Variants in RASAL2 observed in about 807,000 individuals in gnomAD.
The protein encoded by RASAL2 is ras GTPase-activating protein nGAP.
Under a neutral mutation model 128.9 loss-of-function variants are expected in RASAL2, and 58 were observed. That is an observed-to-expected ratio of 0.45 (90% CI 0.36 to 0.56). The LOEUF is 0.56. RASAL2 is among the 20% of genes least tolerant of loss of function. The probability of loss-of-function intolerance (pLI) is 0.00; values close to 1 mark genes in which losing one functional copy is unlikely to be tolerated. For synonymous variants in RASAL2, 561 were observed against 580.8 expected, an observed-to-expected ratio of 0.97 and a Z score of 0.49; for missense variants, 1,360 against 1,601.6, an observed-to-expected ratio of 0.85 and a Z score of 2.57.
At chr1:178,229,168 A>G (rs1272414301) in intron 1 of RASAL2, among the ~76,000 whole-genome samples, 1 of 152,160 alleles carries the variant, frequency 6.6e-6, no homozygotes, top group African/African-American at 2.4e-5. Context: ...CTCTATCCCT[A>G]AATCCTTCTG....
chr1:178,128,025 G>C (rs2102293583), intron 1 of RASAL2, among the ~76,000 whole-genome samples: 1 of 152,140 alleles, frequency 6.6e-6, no homozygotes, highest in Middle Eastern at 3.4e-3. Context: ...ATTTGATTTT[G>C]TGGAACAAAA....
At chr1:178,221,540 GCTTTAT>G (rs1188207126) in intron 1 of RASAL2, among the ~76,000 whole-genome samples, 2 of 152,036 alleles carry the variant, frequency 1.3e-5, no homozygotes, top group African/African-American at 4.8e-5. Flanking sequence ...AAAGTGTGTT[GCTTTAT>G]CTTTATGTGT....
chr1:178,309,680 C>T (rs1668145911), intron 3 of RASAL2, among the ~76,000 whole-genome samples: 1 of 152,074 alleles, frequency 6.6e-6, no homozygotes, highest in Non-Finnish European at 1.5e-5. Flanking sequence ...AATCACTACA[C>T]TATGCAAGTG....
At chr1:178,209,217 C>T (rs1216570726) in intron 1 of RASAL2, among the ~76,000 whole-genome samples, 2 of 152,036 alleles carry the variant, frequency 1.3e-5, no homozygotes, top group African/African-American at 4.8e-5. Flanking sequence ...TATCTTTTGT[C>T]TCCGTTGGTT....
chr1:178,107,992 G>A (rs982938450), intron 1 of RASAL2, among the ~76,000 whole-genome samples: 2 of 152,224 alleles, frequency 1.3e-5, no homozygotes, highest in East Asian at 3.9e-4. Context: ...TGGGTGTATG[G>A]TTGTTCTATG....
chr1:178,164,823 T>TTGTGTGTGTG (rs200932615), intron 1 of RASAL2, among the ~76,000 whole-genome samples: 26 of 131,998 alleles, frequency 2.0e-4, no homozygotes, highest in South Asian at 1.0e-3. Flanking sequence ...CATCAAACGT[T>TTGTGTGTGTG]TGTGTGTGTG....
intron 1 of RASAL2, among the ~76,000 whole-genome samples, chr1:178,197,997 G>C (rs1662731480): frequency 6.6e-6 from 1 of 152,170 alleles, no homozygotes; most frequent in African/African-American, 2.4e-5. Flanking sequence ...ATGGTTTCCA[G>C]CTTCATCCAT....
chr1:178,225,078 T>G (rs1397380754), intron 1 of RASAL2, among the ~76,000 whole-genome samples: 1 of 152,070 alleles, frequency 6.6e-6, no homozygotes, highest in Non-Finnish European at 1.5e-5. Flanking sequence ...GCTGTTAACT[T>G]CTAAGGGACA....
chr1:178,337,162 A>G (rs1399026005), intron 3 of RASAL2, among the ~76,000 whole-genome samples: 1 of 152,174 alleles, frequency 6.6e-6, no homozygotes, highest in Non-Finnish European at 1.5e-5. Context: ...AGTTCTAAAA[A>G]TATTTTGTGA....
intron 1 of RASAL2, among the ~76,000 whole-genome samples, chr1:178,246,806 C>G (rs887888311): frequency 6.6e-6 from 1 of 151,742 alleles, no homozygotes; most frequent in African/African-American, 2.4e-5. Flanking sequence ...AAAGCTTTTT[C>G]TGCATCTATT....
At chr1:178,270,372 C>T (rs1313615830) in intron 1 of RASAL2, among the ~76,000 whole-genome samples, 2 of 151,714 alleles carry the variant, frequency 1.3e-5, no homozygotes, top group Non-Finnish European at 2.9e-5. Flanking sequence ...TCTTTTCCAT[C>T]TTTTTGTCTT....
intron 2 of RASAL2, among the ~76,000 whole-genome samples, chr1:178,295,617 C>T (rs964974508): frequency 6.6e-6 from 1 of 152,124 alleles, no homozygotes; most frequent in Non-Finnish European, 1.5e-5. Context: ...TAGTGAGCAT[C>T]AGAATCAGTC....
Position 178,445,498 on chromosome 1 carries a change from A to T in RASAL2, c.1483-20A>T. The T allele has an allele frequency of 6.2e-7, 1 of 1,610,182 alleles. No homozygotes were observed. Among genetic ancestry groups the T allele is most frequent in the Non-Finnish European group, 8.5e-7 (1 of 1,178,134 alleles). On this transcript the variant is annotated intron_variant, in intron 8 of 17. Transcript: ENST00000367649. The stretch of plus-strand genomic sequence containing the variant: ...TATTTATTCAGTTGCTTTCTGCCTG[A>T]TTGAACATTATTCTACCAGGATTTT...
chr1:178,117,476 A>G (rs1659558561), intron 1 of RASAL2, among the ~76,000 whole-genome samples: 1 of 152,234 alleles, frequency 6.6e-6, no homozygotes, highest in Non-Finnish European at 1.5e-5. Context: ...TAAATAAAGC[A>G]CAATTAGGAT....
At chr1:178,455,360 G>A (rs1347345488) in intron 12 of RASAL2, among the ~76,000 whole-genome samples, 9 of 152,116 alleles carry the variant, frequency 5.9e-5, no homozygotes, top group African/African-American at 1.7e-4. Flanking sequence ...GTTTGCTACA[G>A]GCACTTTATA....
chr1:178,181,752 A>C (rs1662117720), intron 1 of RASAL2, among the ~76,000 whole-genome samples: 1 of 151,656 alleles, frequency 6.6e-6, no homozygotes, highest in Non-Finnish European at 1.5e-5. Flanking sequence ...AAGGTTTTGT[A>C]AAAGTACCTC....
intron 3 of RASAL2, among the ~76,000 whole-genome samples, chr1:178,324,483 T>C (rs1403332584): frequency 6.6e-6 from 1 of 152,098 alleles, no homozygotes; most frequent in Admixed American, 6.5e-5. Context: ...ATCTTGTGAC[T>C]TTGCCCATTT....
At chr1:178,362,557 C>T (rs1397526204) in intron 3 of RASAL2, among the ~76,000 whole-genome samples, 1 of 150,168 alleles carries the variant, frequency 6.7e-6, no homozygotes, top group African/African-American at 2.4e-5. Flanking sequence ...TATTATTAAC[C>T]ATAGTCCTCA....
intron 1 of RASAL2, among the ~76,000 whole-genome samples, chr1:178,121,633 G>A (rs1397440913): frequency 1.3e-5 from 2 of 151,970 alleles, no homozygotes; most frequent in South Asian, 2.1e-4. Context: ...TTACAGGTGC[G>A]CACCACCATG....
Sources: gnomAD v4.1 joint callset for allele counts (sites outside exome capture counted in the v4.1 genomes callset) on GRCh38, gnomAD v4.1.1 for gene constraint, MANE v1.5 for transcripts, NCBI Gene and HGNC (gene_info 2026-07-23, HGNC 2026-07-21) for gene names.